SH2B1: variants seen among roughly 807,000 people sequenced by gnomAD.
The protein encoded by SH2B1 is SH2B adaptor protein 1.
In SH2B1, 15 loss-of-function variants were observed where a neutral mutation model predicts 62.6. The ratio of observed to expected loss-of-function variants is 0.24; its 90% CI spans 0.16 to 0.37. SH2B1 has a LOEUF of 0.37. Among genes scored for constraint, SH2B1 ranks in the 10% least tolerant of loss-of-function variants. The pLI, the probability that SH2B1 is intolerant of heterozygous loss-of-function variation, is 1.00. For synonymous variants in SH2B1, 443 were observed against 438.0 expected (o/e 1.01, Z -0.14); for missense variants, 925 against 1,015.6 (o/e 0.91, Z 1.21).
chr16:28,853,078 T>A (rs1358618676), intron 1 of SH2B1, among the ~76,000 whole-genome samples: 2 of 115,422 alleles, frequency 1.7e-5, no homozygotes, highest in African/African-American at 3.6e-5. Flanking sequence ...ACATATATAT[T>A]TATATATATT....
In SH2B1 at chr16:28,864,348, C is replaced by A. The variant is rs1567465332; in HGVS notation, c.-1747C>A. ...GCTTAGGAGTCGCAGGGTCAGCGGG[C>A]CTGAAGGGGGCTGGGTCTGTCTGCG... On this transcript the variant is annotated 5_prime_UTR_variant, in exon 1 of 8. Transcript: ENST00000684370. The A allele has an allele frequency of 4.0e-6, 4 of 993,076 alleles. No homozygotes were observed. The highest frequency in any genetic ancestry group is 4.8e-6 in the Non-Finnish European group (4 of 834,452). The allele number at this position is 993,076 out of a possible 1,614,324, so 61.5% of individuals were successfully genotyped here. A position where few individuals can be genotyped will look rare whatever the true frequency, so the allele number is the denominator to read the frequency against.
intron 1 of SH2B1, among the ~76,000 whole-genome samples, chr16:28,852,335 T>C (rs1426619717): frequency 1.3e-5 from 1 of 76,590 alleles, no homozygotes; most frequent in African/African-American, 5.3e-5. Context: ...TATTTACATA[T>C]ATATTTACAT....
chr16:28,859,023 C>A (rs374231381), upstream of SH2B1, among the ~76,000 whole-genome samples: 9 of 151,860 alleles, frequency 5.9e-5, no homozygotes, highest in South Asian at 1.9e-3. Context: ...CTCACTGCAA[C>A]CTCTGCCTCC....
rs746979127 is a variant in SH2B1 at position 28,864,767 on chromosome 16, G to C, written c.-1328G>C. 1.8e-5 allele frequency: 10 copies of C among 549,668 alleles called. No homozygotes were observed. The highest frequency in any genetic ancestry group is 2.1e-5 in the Non-Finnish European group (9 of 432,336). 34.0% of individuals were successfully genotyped at this position (549,668 alleles called of 1,614,324 possible). A position where few individuals can be genotyped will look rare whatever the true frequency, so the allele number is the denominator to read the frequency against. ...ACTTTCTAGTTGTAAGACCTTGAGAGGGCTCCTCCTTTCTCTAATTTCTAT... is the reference window on the plus strand; with the variant it reads ...ACTTTCTAGTTGTAAGACCTTGAGACGGCTCCTCCTTTCTCTAATTTCTAT... On this transcript the variant is annotated 5_prime_UTR_variant, in exon 1 of 8. Transcript: ENST00000684370.
chr16:28,863,732 C>G, upstream of SH2B1: 1 of 1,535,716 alleles, frequency 6.5e-7, no homozygotes. Flanking sequence ...CTGGGGTCGG[C>G]GCCGAGTGGG....
At position 28,865,123 on chromosome 16, in the gene SH2B1, G is replaced by A. The variant is rs1962613719; in HGVS notation, c.-972G>A. On this transcript the variant is annotated 5_prime_UTR_variant, in exon 1 of 8. Coordinates refer to ENST00000684370, the MANE Select transcript of SH2B1 (RefSeq NM_001387430.1). ...GGCATACTCCCCAGTGGGAGAAGAG[G>A]AAGGTGAAAAATCCTAGGGCCCCAG... 1 of 985,606 alleles carries A rather than the reference G, an allele frequency of 1.0e-6. No individual in the cohort carries two copies. 61.1% of individuals were successfully genotyped at this position (985,606 alleles called of 1,614,324 possible).
chr16:28,865,066 T>C lies in SH2B1; in HGVS notation c.-1029T>C. ...TGAGCCCTGGTCTGACTCAAGTCCA[T>C]GGCCTTAACCAGAAGGCTAACCTGC... On this transcript the variant is annotated 5_prime_UTR_variant, in exon 1 of 8. It removes an upstream start codon present in the reference 5' UTR. Transcript: ENST00000684370. 1 of 985,272 alleles carries C rather than the reference T, an allele frequency of 1.0e-6. No homozygotes were observed. The highest frequency in any genetic ancestry group is 1.2e-6 in the Non-Finnish European group (1 of 829,724). 61.0% of individuals were successfully genotyped at this position (985,272 alleles called of 1,614,324 possible).
Position 28,866,625 on chromosome 16 carries a change from C to A in SH2B1, c.531C>A (p.Asp177Glu). 11 of 1,613,758 alleles carry A rather than the reference C, an allele frequency of 6.8e-6. No homozygotes were observed. The highest frequency in any genetic ancestry group is 9.3e-6 in the Non-Finnish European group (11 of 1,179,904). ...RGILQWRGTV[D>E]PPSSAGPLET... is the part of the protein sequence containing the mutation. ...TCCTGCAGTGGCGGGGGACCGTTGA[C>A]CCTCCCTCCTCCGCTGGGCCCCTGG... The change falls in exon 1 of 8, where the codon GAC becomes GAA. Residue 177 changes from aspartate to glutamate, a missense_variant. Physicochemically the swap from Asp to Glu is conservative, Grantham distance 45. Transcript: ENST00000684370. The surrounding 1 kb of genome is among the most constrained non-coding windows in gnomAD (Gnocchi z 6.3).
rs765810304 is a variant in SH2B1, at chr16:28,872,554, C to T, written c.1746C>T (p.Asn582=). ...GKAKHLRLSL[N]EEGQCRVQHL... The stretch of plus-strand genomic sequence containing the variant: ...CTCAGCACCTGCGTTTGTCGCTGAA[C>T]GAGGAGGGTCAGTGCCGGGTCCAGC... Residue 582 remains asparagine, a synonymous_variant, in exon 7 of 8, where the codon AAC becomes AAT. Coordinates refer to ENST00000684370, the MANE Select transcript of SH2B1 (RefSeq NM_001387430.1). The surrounding 1 kb of genome is among the most constrained non-coding windows in gnomAD (Gnocchi z 5.3). 10 of 1,611,868 alleles carry T rather than the reference C, an allele frequency of 6.2e-6. No homozygotes were observed. Among genetic ancestry groups the T allele is most frequent in the African/African-American group, 2.7e-5 (2 of 74,870 alleles).
chr16:28,866,351 C>A lies in SH2B1; in HGVS notation c.257C>A (p.Ser86Tyr). ...GCCGAGGTGGCCCGGGCCTCTGGCT[C>A]CCTGTCGCCACCCATCCTGGCTCCC... ...FEAEVARASG[S>Y]LSPPILAPLS... The change falls in exon 1 of 8, where the codon TCC becomes TAC. Residue 86 changes from serine (S) to tyrosine (Y), a missense_variant. Transcript: ENST00000684370. This position sits in a 1 kb window ranked among gnomAD's most constrained non-coding sequence, Gnocchi z 6.3. 1.2e-6 allele frequency: 2 copies of A among 1,613,000 alleles called. No individual in the cohort carries two copies. Among genetic ancestry groups the A allele is most frequent in the Non-Finnish European group, 1.7e-6 (2 of 1,179,932 alleles).
At position 28,872,661 on chromosome 16, in the gene SH2B1, A is replaced by T; in HGVS notation, c.1853A>T (p.Asp618Val). 1 of 1,614,108 alleles carries T rather than the reference A, an allele frequency of 6.2e-7. No individual in the cohort carries two copies. Among genetic ancestry groups the T allele is most frequent in the East Asian group, 2.2e-5 (1 of 44,864 alleles). The stretch of plus-strand genomic sequence containing the variant: ...CCTTTGGAGTCGGGAGGCTCCAGTG[A>T]TGTTGTCCTTGTCAGCTATGTCCCA... ...PIPLESGGSS[D>V]VVLVSYVPSS... is the part of the protein sequence containing the mutation. Residue 618 changes from aspartate to valine, a missense_variant, in exon 7 of 8, where the codon GAT (aspartate) becomes GTT (valine). Asp to Val is a radical substitution (Grantham distance 152, BLOSUM62 -3). Around this residue, in one of 3 missense-constraint regions of SH2B1, gnomAD observed 185 missense variants for 189.5 expected, o/e 0.98. Coordinates refer to ENST00000684370, the MANE Select transcript of SH2B1 (RefSeq NM_001387430.1). This position sits in a 1 kb window ranked among gnomAD's most constrained non-coding sequence, Gnocchi z 5.3.
rs747314055 is a variant in SH2B1, at chr16:28,873,850, A to AC, written c.*36dup. On this transcript the variant is annotated 3_prime_UTR_variant, in exon 8 of 8. Transcript: ENST00000684370. This position sits in a 1 kb window ranked among gnomAD's most constrained non-coding sequence, Gnocchi z 4.2. ...ACCCCACCCGCTCCACCCTTTTTAA[A>AC]CCCCCCAGCCCTGCTCGTGAGATTG... The AC allele has an allele frequency of 5.5e-4, 764 of 1,400,668 alleles. No individual in the cohort carries two copies. Among genetic ancestry groups the AC allele is most frequent in the Middle Eastern group, 8.0e-4 (3 of 3,768 alleles). The allele number at this position is 1,400,668 out of a possible 1,614,324, so 86.8% of individuals were successfully genotyped here. A position where few individuals can be genotyped will look rare whatever the true frequency, so the allele number is the denominator to read the frequency against.
upstream of SH2B1, among the ~76,000 whole-genome samples, chr16:28,859,878 C>G (rs559191928): frequency 2.5e-4 from 29 of 114,826 alleles, 1 homozygote; most frequent in African/African-American, 6.8e-4. Flanking sequence ...ACCCCCCCCC[C>G]CCGGCTGTTT....
chr16:28,865,187 G>A lies in SH2B1; in HGVS notation c.-908G>A. 1 of 985,630 alleles carries A rather than the reference G, an allele frequency of 1.0e-6. No individual in the cohort carries two copies. The highest frequency in any genetic ancestry group is 1.2e-6 in the Non-Finnish European group (1 of 829,952). The allele number at this position is 985,630 out of a possible 1,614,324, so 61.1% of individuals were successfully genotyped here. Reference sequence around the variant, plus strand: ...GTTTTGTTTACGTGAGGCCAGCAAAGACTTGACCTGAGCCAACCCAGTTTC... The same window carrying A: ...GTTTTGTTTACGTGAGGCCAGCAAAAACTTGACCTGAGCCAACCCAGTTTC... On this transcript the variant is annotated 5_prime_UTR_variant, in exon 1 of 8. Transcript: ENST00000684370.
rs1596634153 is a variant in SH2B1 at position 28,873,221 on chromosome 16, A to C, written c.1898-226A>C. The stretch of plus-strand genomic sequence containing the variant: ...GGGGTGTGCGAGGGAGATGGATGCC[A>C]CCCCGATGCCTCCTGCACCCTCATG... On this transcript the variant is annotated intron_variant, in intron 7 of 7. Transcript: ENST00000684370. The surrounding 1 kb of genome is among the most constrained non-coding windows in gnomAD (Gnocchi z 4.2). 7 of 1,604,264 alleles carry C rather than the reference A, an allele frequency of 4.4e-6. No homozygotes were observed. The highest frequency in any genetic ancestry group is 1.3e-5 in the African/African-American group (1 of 74,776).
chr16:28,858,808 C>A (rs980905124), intron 1 of SH2B1, among the ~76,000 whole-genome samples: 1 of 151,664 alleles, frequency 6.6e-6, no homozygotes, highest in Non-Finnish European at 1.5e-5. Context: ...GGCCTGGTGG[C>A]GCACGCCTGT....
chr16:28,847,813 CATCT>C (rs1256466385), intron 1 of SH2B1, among the ~76,000 whole-genome samples: 1 of 145,898 alleles, frequency 6.9e-6, no homozygotes, highest in African/African-American at 2.6e-5. Context: ...AGAAAGACCC[CATCT>C]TTTTTTTTTT....
intron 1 of SH2B1, among the ~76,000 whole-genome samples, chr16:28,855,628 C>CTTACTTAT (rs1555510472): frequency 2.2e-5 from 3 of 138,484 alleles, no homozygotes; most frequent in African/African-American, 7.7e-5. Flanking sequence ...GCACTAAGAA[C>CTTACTTAT]TTATTTATTT....
chr16:28,850,060 C>G (rs994534352), intron 1 of SH2B1, among the ~76,000 whole-genome samples: 6 of 152,126 alleles, frequency 3.9e-5, no homozygotes, highest in Non-Finnish European at 8.8e-5. Flanking sequence ...AGCTGTTGAC[C>G]GTAGCATCCT....
Sources: gnomAD v4.1 joint callset for allele counts (sites outside exome capture counted in the v4.1 genomes callset) on GRCh38, gnomAD v4.1.1 for gene constraint, gnomAD v4.1.1 regional missense constraint, Gnocchi (gnomAD v3.1) non-coding constraint, MANE v1.5 for transcripts, NCBI Gene and HGNC (gene_info 2026-07-23, HGNC 2026-07-21) for gene names.